ZC3H12C: variants seen among roughly 807,000 people sequenced by gnomAD.
The protein encoded by ZC3H12C is probable ribonuclease ZC3H12C.
In ZC3H12C, 20 loss-of-function variants were observed where a neutral mutation model predicts 76.3. The ratio of observed to expected loss-of-function variants is 0.26; its 90% CI spans 0.18 to 0.38. The LOEUF (loss-of-function observed/expected upper bound fraction) is 0.38, where lower values mean the gene tolerates loss of function less well. ZC3H12C is among the 10% of genes least tolerant of loss of function. The pLI is 1.00. For missense variants in ZC3H12C, 874 were observed against 1,086.5 expected (o/e 0.80, Z 2.75); for synonymous variants, 352 against 399.6 (o/e 0.88, Z 1.42).
At chr11:110,114,354 C>G (rs906675697) in intron 1 of ZC3H12C, among the ~76,000 whole-genome samples, 9 of 152,206 alleles carry the variant, frequency 5.9e-5, no homozygotes, top group Non-Finnish European at 1.2e-4. Flanking sequence ...GAAGCAAAGT[C>G]TTTGTCTCTT....
chr11:110,155,860 C>T (rs1461521087), intron 3 of ZC3H12C, among the ~76,000 whole-genome samples: 1 of 152,060 alleles, frequency 6.6e-6, no homozygotes, highest in African/African-American at 2.4e-5. Context: ...CTCGTCCTTA[C>T]CTTTCTAATT....
In ZC3H12C at chr11:110,137,247, T is replaced by C. The variant is rs768266860; in HGVS notation, c.606T>C (p.Leu202=). 1 of 1,613,928 alleles carries C rather than the reference T, an allele frequency of 6.2e-7. No individual in the cohort carries two copies. The highest frequency in any genetic ancestry group is 1.7e-5 in the Admixed American group (1 of 59,994). ...ATATTTTGGGAGAACTTGTCAAACT[T>C]GGAAATAAAAGTGAGGCTGATCAAA... ...INDILGELVK[L]GNKSEADQTV... The change falls in exon 2 of 6, where the codon CTT becomes CTC. Residue 202 remains leucine, a synonymous_variant. Transcript: ENST00000278590.
intron 1 of ZC3H12C, among the ~76,000 whole-genome samples, chr11:110,125,836 T>A (rs1263928833): frequency 6.6e-6 from 1 of 150,734 alleles, no homozygotes; most frequent in African/African-American, 2.4e-5. Context: ...CTCATCAGAT[T>A]CTCTGTCTCA....
At chr11:110,139,273 C>G (rs971503080) in intron 2 of ZC3H12C, among the ~76,000 whole-genome samples, 2 of 152,160 alleles carry the variant, frequency 1.3e-5, no homozygotes, top group Non-Finnish European at 2.9e-5. Flanking sequence ...CCAAAAATGT[C>G]TGACCTAAAA....
At position 110,136,689 on chromosome 11, in the gene ZC3H12C, A is replaced by G. The variant is rs749782664; in HGVS notation, c.48A>G (p.Glu16=). ...SQEYGVLCIQ[E]YRKNSKVESS... ...AATACGGGGTGCTTTGCATTCAGGAATACAGAAAAAACAGCAAAGTGGAGT... is the reference window on the plus strand; with the variant it reads ...AATACGGGGTGCTTTGCATTCAGGAGTACAGAAAAAACAGCAAAGTGGAGT... Residue 16 remains glutamate (E), a synonymous_variant, in exon 2 of 6, where the codon GAA becomes GAG. Coordinates refer to ENST00000278590, the MANE Select transcript of ZC3H12C (RefSeq NM_033390.2). The G allele has an allele frequency of 1.1e-5, 17 of 1,613,664 alleles. No individual in the cohort carries two copies. The Admixed American group carries it at 1.5e-4, about 14-fold the overall frequency.
Position 110,159,450 on chromosome 11 carries a change from A to G in ZC3H12C, c.1108A>G (p.Ile370Val), listed in dbSNP as rs751851502. 1.9e-6 allele frequency: 3 copies of G among 1,613,158 alleles called. No homozygotes were observed. The highest frequency in any genetic ancestry group is 2.5e-6 in the Non-Finnish European group (3 of 1,179,520). The change falls in exon 4 of 6, where the codon ATA becomes GTA. Residue 370 changes from isoleucine (I) to valine (V), a missense_variant. Physicochemically the swap from Ile to Val is conservative, Grantham distance 29. Around this residue, in one of 3 missense-constraint regions of ZC3H12C, gnomAD observed 269 missense variants for 424.9 expected, o/e 0.63. Transcript: ENST00000278590. ...ANEKPEWKKF[I>V]DERLLMYSFV... ...TGAGAAGCCAGAATGGAAGAAGTTC[A>G]TAGATGAACGATTATTAATGTATTC...
intron 1 of ZC3H12C, among the ~76,000 whole-genome samples, chr11:110,108,010 C>A (rs1217634913): frequency 6.6e-6 from 1 of 152,078 alleles, no homozygotes; most frequent in African/African-American, 2.4e-5. Context: ...CACAGTGGCA[C>A]AATAATGGCT....
At chr11:110,133,547 A>C (rs1861902192) in intron 1 of ZC3H12C, among the ~76,000 whole-genome samples, 1 of 152,208 alleles carries the variant, frequency 6.6e-6, no homozygotes, top group African/African-American at 2.4e-5. Flanking sequence ...GGTTAGGCTT[A>C]CATTTATCCT....
chr11:110,124,584 A>G (rs750251563), intron 1 of ZC3H12C, among the ~76,000 whole-genome samples: 4 of 152,248 alleles, frequency 2.6e-5, no homozygotes, highest in Non-Finnish European at 4.4e-5. Flanking sequence ...AGAAGGCTTT[A>G]TGGAAAAAAT....
chr11:110,114,367 A>G (rs1326351774), intron 1 of ZC3H12C, among the ~76,000 whole-genome samples: 1 of 152,098 alleles, frequency 6.6e-6, no homozygotes, highest in East Asian at 1.9e-4. Flanking sequence ...TGTCTCTTGT[A>G]CTCTATGACA....
chr11:110,106,784 T>C (rs1162761792), intron 1 of ZC3H12C, among the ~76,000 whole-genome samples: 1 of 152,262 alleles, frequency 6.6e-6, no homozygotes, highest in African/African-American at 2.4e-5. Flanking sequence ...TTTAATGTAC[T>C]GTTAGATCAA....
At chr11:110,113,605 G>A (rs745394571) in intron 1 of ZC3H12C, among the ~76,000 whole-genome samples, 25 of 152,078 alleles carry the variant, frequency 1.6e-4, no homozygotes, top group Admixed American at 3.9e-4. Context: ...CTGAGAAAGG[G>A]GTCTATGTTA....
In ZC3H12C at chr11:110,164,593, T is replaced by C; in HGVS notation, c.1508T>C (p.Leu503Pro). 3.1e-6 allele frequency: 5 copies of C among 1,614,018 alleles called. No individual in the cohort carries two copies. The highest frequency in any genetic ancestry group is 4.2e-6 in the Non-Finnish European group (5 of 1,179,890). The change falls in exon 6 of 6, where the codon CTA (leucine) becomes CCA (proline). Residue 503 changes from leucine to proline, a missense_variant. Leu to Pro is a moderately conservative substitution (Grantham distance 98). Around this residue, in one of 3 missense-constraint regions of ZC3H12C, gnomAD observed 269 missense variants for 424.9 expected, o/e 0.63. Coordinates refer to ENST00000278590, the MANE Select transcript of ZC3H12C (RefSeq NM_033390.2). The surrounding 1 kb of genome is among the most constrained non-coding windows in gnomAD (Gnocchi z 5.7). ...ATAAGGACACAAGTCTACCAAGACC[T>C]AGAAGAAAAGCTTCCCACCAAAAAC... Reference protein sequence around the residue: ...PSIRTQVYQDLEEKLPTKNKL... With the variant: ...PSIRTQVYQDPEEKLPTKNKL...
chr11:110,165,547 G>A lies in ZC3H12C; in HGVS notation c.2462G>A (p.Arg821Gln), dbSNP rs371000819. 11 of 1,613,414 alleles carry A rather than the reference G, an allele frequency of 6.8e-6. No individual in the cohort carries two copies. The African/African-American group carries it at 1.1e-4, about 16-fold the overall frequency. Residue 821 changes from arginine to glutamine, a missense_variant, in exon 6 of 6, where the codon CGG (arginine) becomes CAG (glutamine). Arg to Gln is a conservative substitution (Grantham distance 43). Transcript: ENST00000278590. The part of the protein sequence containing the change: ...SLPEQQEPAW[R>Q]IPYCGMPQDP... ...CCTGAGCAACAGGAGCCAGCCTGGC[G>A]GATCCCATACTGTGGAATGCCGCAA...
Position 110,164,734 on chromosome 11 carries a change from C to T in ZC3H12C, c.1649C>T (p.Pro550Leu), listed in dbSNP as rs1862545040. Residue 550 changes from proline to leucine, a missense_variant, in exon 6 of 6, where the codon CCT becomes CTT. By Grantham distance (98) the Pro-to-Leu change is moderately conservative (BLOSUM62 -3). Around this residue, in one of 3 missense-constraint regions of ZC3H12C, gnomAD observed 395 missense variants for 434.4 expected, o/e 0.91. Transcript: ENST00000278590. This position sits in a 1 kb window ranked among gnomAD's most constrained non-coding sequence, Gnocchi z 5.7. ...NGLPSGVHFP[P>L]QDQRPQGQYP... The stretch of plus-strand genomic sequence containing the variant: ...CTTCCATCTGGAGTTCATTTCCCAC[C>T]TCAGGATCAAAGACCACAGGGACAA... The T allele has an allele frequency of 1.2e-6, 2 of 1,614,000 alleles. No homozygotes were observed. The highest frequency in any genetic ancestry group is 1.7e-6 in the Non-Finnish European group (2 of 1,179,888).
At chr11:110,112,047 G>A (rs1307544307) in intron 1 of ZC3H12C, among the ~76,000 whole-genome samples, 1 of 152,166 alleles carries the variant, frequency 6.6e-6, no homozygotes, top group Non-Finnish European at 1.5e-5. Context: ...GGATAAGGAA[G>A]GAGGTCCACA....
chr11:110,119,794 C>T (rs184727841), intron 1 of ZC3H12C, among the ~76,000 whole-genome samples: 16 of 152,246 alleles, frequency 1.1e-4, no homozygotes, highest in African/African-American at 3.6e-4. Flanking sequence ...GATAGCGGGG[C>T]GAAGGAGCTT....
intron 1 of ZC3H12C, among the ~76,000 whole-genome samples, chr11:110,112,063 G>A (rs746642757): frequency 1.3e-5 from 2 of 152,170 alleles, no homozygotes; most frequent in Non-Finnish European, 2.9e-5. Context: ...CCACAGACCA[G>A]GAACATACTA....
chr11:110,143,845 C>T (rs1246507177), intron 2 of ZC3H12C, among the ~76,000 whole-genome samples: 3 of 152,104 alleles, frequency 2.0e-5, no homozygotes, highest in African/African-American at 7.2e-5. Flanking sequence ...TTTATATTTC[C>T]ATTCTAGCCA....
Sources: allele counts gnomAD v4.1 joint callset (sites outside exome capture counted in the v4.1 genomes callset), GRCh38; gene constraint gnomAD v4.1.1; regional missense constraint gnomAD v4.1.1; non-coding constraint Gnocchi (gnomAD v3.1); transcripts MANE v1.5; gene names NCBI Gene and HGNC (gene_info 2026-07-23, HGNC 2026-07-21).